The following SLC25A21 variants were observed in gnomAD, a reference collection of about 807,000 sequenced individuals.
SLC25A21 encodes solute carrier family 25 member 21, also known as mitochondrial 2-oxodicarboxylate carrier.
Under a neutral mutation model 43.8 loss-of-function variants are expected in SLC25A21, and 47 were observed. The observed-to-expected ratio is 1.07, with a 90% CI of 0.85 to 1.37. The LOEUF (loss-of-function observed/expected upper bound fraction) is 1.37, where lower values mean the gene tolerates loss of function less well. Among genes scored for constraint, SLC25A21 ranks in the 40% most tolerant of loss-of-function variants. The pLI is 0.00. For missense variants in SLC25A21, 352 were observed against 350.2 expected, an observed-to-expected ratio of 1.00 and a Z score of -0.04; for synonymous variants, 131 against 121.3, an observed-to-expected ratio of 1.08 and a Z score of -0.52.
intron 1 of SLC25A21, among the ~76,000 whole-genome samples, chr14:36,922,047 G>T (rs1891993540): frequency 6.6e-6 from 1 of 151,548 alleles, no homozygotes; most frequent in Non-Finnish European, 1.5e-5. Context: ...TGGGAGGCAG[G>T]AGAATCGCTT....
chr14:36,845,213 G>T (rs1403694425), intron 2 of SLC25A21, among the ~76,000 whole-genome samples: 1 of 151,854 alleles, frequency 6.6e-6, no homozygotes, highest in Non-Finnish European at 1.5e-5. Context: ...AACTCACCCT[G>T]GAAAAATTCA....
intron 1 of SLC25A21, among the ~76,000 whole-genome samples, chr14:36,882,266 C>T (rs1890754724): frequency 6.6e-6 from 1 of 152,118 alleles, no homozygotes; most frequent in Admixed American, 6.6e-5. Flanking sequence ...ACCTGTAGTC[C>T]CAGCTACTTG....
intron 7 of SLC25A21, among the ~76,000 whole-genome samples, chr14:36,698,672 A>G (rs1220005825): frequency 6.6e-6 from 1 of 151,948 alleles, no homozygotes; most frequent in Non-Finnish European, 1.5e-5. Flanking sequence ...TTTGATCTTC[A>G]GTCACTGATA....
chr14:36,746,737 C>A (rs950694178), intron 3 of SLC25A21, among the ~76,000 whole-genome samples: 1 of 152,098 alleles, frequency 6.6e-6, no homozygotes, highest in Non-Finnish European at 1.5e-5. Flanking sequence ...CCCTCCCATT[C>A]ATAAAGTAAC....
chr14:36,791,091 A>G (rs1013791376), intron 3 of SLC25A21, among the ~76,000 whole-genome samples: 3 of 152,164 alleles, frequency 2.0e-5, no homozygotes, highest in Non-Finnish European at 4.4e-5. Flanking sequence ...GGGTAATCCA[A>G]TTGAACTGTG....
intron 3 of SLC25A21, among the ~76,000 whole-genome samples, chr14:36,772,540 A>ATT (rs2138359707): frequency 6.6e-6 from 1 of 152,272 alleles, no homozygotes; most frequent in African/African-American, 2.4e-5. Context: ...TCACCCTAAG[A>ATT]GTTAGTGCTT....
intron 5 of SLC25A21, among the ~76,000 whole-genome samples, chr14:36,729,050 A>G (rs1223043274): frequency 2.0e-5 from 3 of 152,232 alleles, no homozygotes; most frequent in Admixed American, 2.0e-4. Context: ...AGTCATTCCT[A>G]TAAAAGGCCC....
intron 3 of SLC25A21, among the ~76,000 whole-genome samples, chr14:36,790,838 T>G (rs571640174): frequency 6.6e-6 from 1 of 152,106 alleles, no homozygotes; most frequent in Admixed American, 6.5e-5. Context: ...ACCACATATA[T>G]CACAGCACTG....
chr14:36,802,641 G>T (rs1887906179), intron 3 of SLC25A21, among the ~76,000 whole-genome samples: 1 of 152,132 alleles, frequency 6.6e-6, no homozygotes, highest in South Asian at 2.1e-4. Context: ...GGAACAAAGT[G>T]CTATAAGAGA....
At chr14:36,751,490 G>T (rs538866334) in intron 3 of SLC25A21, among the ~76,000 whole-genome samples, 1 of 152,272 alleles carries the variant, frequency 6.6e-6, no homozygotes, top group Admixed American at 6.5e-5. Flanking sequence ...CTTCTAAATT[G>T]ATTACTAACT....
At position 37,157,186 on chromosome 14, in the gene SLC25A21, A is replaced by C. The variant is rs558454016; in HGVS notation, c.70+15095T>G. Among the ~76,000 whole-genome samples, 6 of 152,182 alleles carry C rather than the reference A, an allele frequency of 3.9e-5. No homozygotes were observed. In the East Asian group the frequency reaches 5.8e-4, roughly 15 times the overall value. On this transcript the variant is annotated intron_variant, in intron 1 of 9. Transcript: ENST00000331299. The stretch of plus-strand genomic sequence containing the variant: ...AGCCTGGCCAACATGGGGAAACACT[A>C]TCTCTCCTAAAAACACACAAAAAAA...
chr14:36,946,311 T>C (rs1892678321), intron 1 of SLC25A21, among the ~76,000 whole-genome samples: 1 of 152,198 alleles, frequency 6.6e-6, no homozygotes, highest in African/African-American at 2.4e-5. Flanking sequence ...TAAGTCCTCT[T>C]GTTTCTAAAT....
At chr14:37,160,685 T>A (rs1963924430) in intron 1 of SLC25A21, among the ~76,000 whole-genome samples, 3 of 151,866 alleles carry the variant, frequency 2.0e-5, no homozygotes, top group Admixed American at 6.6e-5. Flanking sequence ...ACCCCAGCAC[T>A]TTGGGAGGCT....
intron 2 of SLC25A21, among the ~76,000 whole-genome samples, chr14:36,856,005 C>T (rs1238889445): frequency 1.3e-5 from 2 of 152,134 alleles, no homozygotes; most frequent in African/African-American, 4.8e-5. Flanking sequence ...GTGCTGCAGA[C>T]AGGGCCTTGC....
chr14:37,022,145 G>C (rs1397296262), intron 1 of SLC25A21, among the ~76,000 whole-genome samples: 1 of 151,668 alleles, frequency 6.6e-6, no homozygotes, highest in Non-Finnish European at 1.5e-5. Context: ...CATGAAATTT[G>C]AGAGACTGCC....
At chr14:36,962,765 T>C (rs1959524598) in intron 1 of SLC25A21, among the ~76,000 whole-genome samples, 1 of 152,224 alleles carries the variant, frequency 6.6e-6, no homozygotes, top group Non-Finnish European at 1.5e-5. Context: ...TATTCACCAG[T>C]TTGATTCAAG....
At chr14:36,981,270 G>C (rs931798930) in intron 1 of SLC25A21, among the ~76,000 whole-genome samples, 1 of 152,198 alleles carries the variant, frequency 6.6e-6, no homozygotes, top group African/African-American at 2.4e-5. Context: ...CACTGTGGAA[G>C]ACAGCGTGGC....
At chr14:37,032,499 G>C (rs1443785110) in intron 1 of SLC25A21, among the ~76,000 whole-genome samples, 2 of 152,052 alleles carry the variant, frequency 1.3e-5, no homozygotes, top group Admixed American at 6.5e-5. Context: ...TTGTGCCACT[G>C]CACTCCAGCC....
intron 1 of SLC25A21, among the ~76,000 whole-genome samples, chr14:37,111,271 C>T (rs1313603034): frequency 2.0e-5 from 3 of 152,088 alleles, no homozygotes; most frequent in Non-Finnish European, 4.4e-5. Context: ...TGTCACCAAC[C>T]GTCTTCTGTC....
Sources: allele counts gnomAD v4.1 joint callset (sites outside exome capture counted in the v4.1 genomes callset), GRCh38; gene constraint gnomAD v4.1.1; transcripts MANE v1.5; gene names NCBI Gene and HGNC (gene_info 2026-07-23, HGNC 2026-07-21).